TRDN: variants seen among roughly 807,000 people sequenced by gnomAD.
TRDN encodes the protein triadin in skeletal muscle.
TRDN carries 161 observed loss-of-function variants against 149.7 expected under a neutral mutation model. The ratio of observed to expected loss-of-function variants is 1.08; its 90% CI spans 0.95 to 1.23. TRDN has a LOEUF of 1.23. Among genes scored for constraint, TRDN ranks in the 50% most tolerant of loss-of-function variants. The pLI is 0.00. For missense variants in TRDN, 896 were observed against 823.5 expected (o/e 1.09, Z -1.08); for synonymous variants, 294 against 250.5 (o/e 1.17, Z -1.64).
intron 14 of TRDN, among the ~76,000 whole-genome samples, chr6:123,385,226 G>A (rs1481905942): frequency 6.6e-6 from 1 of 151,974 alleles, no homozygotes; most frequent in Non-Finnish European, 1.5e-5. Flanking sequence ...AGGAGATCGA[G>A]ACCATCCTGG....
chr6:123,393,760 C>T (rs1322533394), intron 12 of TRDN, 83 bp from the exon 13 acceptor site: 2 of 1,268,714 alleles, frequency 1.6e-6, no homozygotes, highest in Non-Finnish European at 2.2e-6. Context: ...GGAGCACAAA[C>T]ACAAACGAGC....
intron 24 of TRDN, among the ~76,000 whole-genome samples, chr6:123,284,268 A>G (rs1777722481): frequency 6.6e-6 from 1 of 151,596 alleles, no homozygotes. Flanking sequence ...CTCCTTACCA[A>G]AATACTAGCT....
chr6:123,465,529 T>C (rs573529356), intron 9 of TRDN, among the ~76,000 whole-genome samples: 1 of 147,084 alleles, frequency 6.8e-6, no homozygotes, highest in South Asian at 2.1e-4. Context: ...TATTCAGTTT[T>C]ATAGAACTTT....
At chr6:123,354,392 GA>G (rs1471415790) in intron 20 of TRDN, among the ~76,000 whole-genome samples, 4 of 151,870 alleles carry the variant, frequency 2.6e-5, no homozygotes, top group African/African-American at 9.7e-5. Flanking sequence ...TCATTAAATA[GA>G]AGCTGTTATT....
At chr6:123,218,923 C>T (rs995689875) in intron 40 of TRDN, among the ~76,000 whole-genome samples, 183 bp from the exon 41 acceptor site, 3 of 151,892 alleles carry the variant, frequency 2.0e-5, no homozygotes, top group South Asian at 2.1e-4. Flanking sequence ...CAACGAAAAC[C>T]GCACAGAAAT....
At chr6:123,260,264 T>A (rs1181475603) in intron 34 of TRDN, among the ~76,000 whole-genome samples, 1 of 152,106 alleles carries the variant, frequency 6.6e-6, no homozygotes, top group Non-Finnish European at 1.5e-5. Context: ...AACTAATGAA[T>A]TAAAGCAATA....
chr6:123,506,698 A>T (rs184972492), intron 7 of TRDN, among the ~76,000 whole-genome samples: 1 of 152,182 alleles, frequency 6.6e-6, no homozygotes, highest in Non-Finnish European at 1.5e-5. Flanking sequence ...CATGTTGGCC[A>T]GGCTGGTCTT....
chr6:123,322,554 A>G (rs1372385574), intron 23 of TRDN, among the ~76,000 whole-genome samples: 1 of 151,508 alleles, frequency 6.6e-6, no homozygotes. Context: ...GGTCTGCCTT[A>G]TTGAAGGGAG....
At chr6:123,429,828 T>G (rs943507418) in intron 12 of TRDN, among the ~76,000 whole-genome samples, 2 of 152,224 alleles carry the variant, frequency 1.3e-5, no homozygotes, top group Non-Finnish European at 2.9e-5. Context: ...AACTGGAATT[T>G]AAAATAATTT....
intron 23 of TRDN, among the ~76,000 whole-genome samples, chr6:123,322,336 T>A (rs1395692679): frequency 6.6e-6 from 1 of 152,172 alleles, no homozygotes. Context: ...TTCCTCAGTT[T>A]GAAATTTATT....
chr6:123,523,433 G>A (rs910352809), intron 5 of TRDN, among the ~76,000 whole-genome samples: 1 of 152,060 alleles, frequency 6.6e-6, no homozygotes, highest in Non-Finnish European at 1.5e-5. Context: ...GATAAACTAC[G>A]AAGCTGGAAC....
At chr6:123,635,245 A>C (rs7775942) in intron 1 of TRDN, among the ~76,000 whole-genome samples, 4 of 151,794 alleles carry the variant, frequency 2.6e-5, no homozygotes, top group Admixed American at 2.6e-4. Context: ...AATAGGAAAA[A>C]TGCTATTTAT....
chr6:123,587,012 T>C (rs1157817571), intron 1 of TRDN, among the ~76,000 whole-genome samples: 3 of 151,950 alleles, frequency 2.0e-5, no homozygotes, highest in Non-Finnish European at 2.9e-5. Flanking sequence ...GTTGGGGTAC[T>C]TGCCCCTCCT....
chr6:123,360,234 GA>G (rs1780846399), intron 20 of TRDN, among the ~76,000 whole-genome samples: 1 of 152,082 alleles, frequency 6.6e-6, no homozygotes, highest in South Asian at 2.1e-4. Context: ...CTGAGATGGG[GA>G]CACAGGATTG....
intron 7 of TRDN, 47 bp downstream of exon 7, chr6:123,512,256 C>G (rs1562356614): frequency 8.9e-7 from 1 of 1,125,260 alleles, no homozygotes; most frequent in Non-Finnish European, 1.3e-6. Context: ...ATTAATCTTT[C>G]AGAGTAAAAA....
chr6:123,578,418 T>C (rs1432715513), intron 1 of TRDN, among the ~76,000 whole-genome samples: 2 of 152,128 alleles, frequency 1.3e-5, no homozygotes, highest in African/African-American at 4.8e-5. Flanking sequence ...ACATATAACT[T>C]CCCCATTGCT....
chr6:123,625,001 G>C (rs1407226), intron 1 of TRDN, among the ~76,000 whole-genome samples: 73,795 of 151,512 alleles, frequency 0.49, 20,009 homozygotes, highest in African/African-American at 0.74. Flanking sequence ...GGCAAGGTAA[G>C]TTGGTATCCC....
chr6:123,555,269 A>G (rs549036450), intron 2 of TRDN, among the ~76,000 whole-genome samples: 60 of 152,240 alleles, frequency 3.9e-4, no homozygotes, highest in African/African-American at 1.3e-3. Context: ...ACGGTGGAAG[A>G]GATTTCAACC....
intron 2 of TRDN, among the ~76,000 whole-genome samples, chr6:123,555,386 T>C (rs998751733): frequency 1.3e-5 from 2 of 152,172 alleles, no homozygotes; most frequent in African/African-American, 4.8e-5. Flanking sequence ...AAGTAAAACA[T>C]CCAAGGAAGT....
Sources: allele counts gnomAD v4.1 joint callset (sites outside exome capture counted in the v4.1 genomes callset), GRCh38; gene constraint gnomAD v4.1.1; transcripts MANE v1.5; gene names NCBI Gene and HGNC (gene_info 2026-07-23, HGNC 2026-07-21).